The following PEAK1 variants were observed in gnomAD, a reference collection of about 807,000 sequenced individuals.
PEAK1 encodes inactive tyrosine-protein kinase PEAK1.
In PEAK1, 54 loss-of-function variants were observed where a neutral mutation model predicts 124.7. That is an observed-to-expected ratio of 0.43 (90% CI 0.35 to 0.54). The LOEUF is 0.54. Ranked by LOEUF, PEAK1 falls within the 20% of genes least tolerant of loss-of-function variation. PEAK1 has a pLI of 0.01. For missense variants in PEAK1, 2,046 were observed against 2,134.5 expected (o/e 0.96, Z 0.82); for synonymous variants, 719 against 760.0 (o/e 0.95, Z 0.89).
At chr15:77,324,413 G>A (rs1311668434) in intron 2 of PEAK1, among the ~76,000 whole-genome samples, 5 of 152,216 alleles carry the variant, frequency 3.3e-5, no homozygotes, top group South Asian at 2.1e-4. Context: ...TCCAGAAGGC[G>A]GAGGCTGCTG....
At chr15:77,218,052 GAA>G (rs1434793961) in intron 6 of PEAK1, among the ~76,000 whole-genome samples, 2 of 152,176 alleles carry the variant, frequency 1.3e-5, no homozygotes, top group Non-Finnish European at 2.9e-5. Flanking sequence ...ACGTCATCTG[GAA>G]ATAAGGCTAG....
intron 1 of PEAK1, chr15:77,418,777 C>T (rs1012758410): frequency 1.0e-6 from 1 of 985,132 alleles, no homozygotes; most frequent in Non-Finnish European, 1.2e-6. Context: ...CTGCAGAGAG[C>T]AATATGGGTT....
intron 5 of PEAK1, chr15:77,278,546 T>G: frequency 2.1e-6 from 1 of 486,552 alleles, no homozygotes; most frequent in South Asian, 1.5e-5. Context: ...ATCTGCAAGG[T>G]TGTCTACTAA....
chr15:77,176,965 G>GC (rs1555430740), intron 7 of PEAK1, among the ~76,000 whole-genome samples: 8 of 151,288 alleles, frequency 5.3e-5, no homozygotes, highest in Admixed American at 4.6e-4. Flanking sequence ...TGAAATACAT[G>GC]TTTTTTTTTG....
At chr15:77,300,091 C>A (rs2063709750) in intron 2 of PEAK1, among the ~76,000 whole-genome samples, 1 of 152,192 alleles carries the variant, frequency 6.6e-6, no homozygotes, top group African/African-American at 2.4e-5. Context: ...CCTGTCCCAG[C>A]CCTAGAATCA....
chr15:77,242,368 A>G (rs2060396270), intron 6 of PEAK1, among the ~76,000 whole-genome samples: 1 of 152,078 alleles, frequency 6.6e-6, no homozygotes, highest in South Asian at 2.1e-4. Flanking sequence ...GCCTTCTCCA[A>G]TTAGCCTTTT....
At chr15:77,229,816 T>A (rs1003865450) in intron 6 of PEAK1, among the ~76,000 whole-genome samples, 1 of 152,010 alleles carries the variant, frequency 6.6e-6, no homozygotes, top group Admixed American at 6.5e-5. Context: ...CCCAGCTAAT[T>A]TTGTATTTTT....
chr15:77,264,083 T>G (rs2061586396), intron 5 of PEAK1, among the ~76,000 whole-genome samples: 2 of 152,122 alleles, frequency 1.3e-5, no homozygotes, highest in Admixed American at 6.6e-5. Flanking sequence ...CTCAATAAAT[T>G]AGGTATTGAT....
chr15:77,246,155 C>T (rs1222711012), intron 6 of PEAK1, among the ~76,000 whole-genome samples: 1 of 151,876 alleles, frequency 6.6e-6, no homozygotes, highest in Non-Finnish European at 1.5e-5. Flanking sequence ...ACTACAGGCG[C>T]GTGCCACCAT....
At chr15:77,406,119 C>T (rs888683890) in intron 1 of PEAK1, among the ~76,000 whole-genome samples, 4 of 152,076 alleles carry the variant, frequency 2.6e-5, no homozygotes, top group Non-Finnish European at 4.4e-5. Context: ...ATAATACATT[C>T]CTCACTGAAT....
chr15:77,247,472 TTTCTTTTCTTTTC>T, intron 6 of PEAK1, among the ~76,000 whole-genome samples: 3 of 108,280 alleles, frequency 2.8e-5, no homozygotes, highest in East Asian at 6.0e-4. Context: ...TTTTCTCTTT[TTTCTTTTCTTTTC>T]TTTTTTTTTT....
chr15:77,370,507 T>A (rs2068565408), intron 1 of PEAK1, among the ~76,000 whole-genome samples: 1 of 152,142 alleles, frequency 6.6e-6, no homozygotes, highest in Admixed American at 6.6e-5. Flanking sequence ...AGCAAAGGTA[T>A]AAAAGGGATA....
chr15:77,392,403 A>C (rs2070545829), intron 1 of PEAK1, among the ~76,000 whole-genome samples: 1 of 152,240 alleles, frequency 6.6e-6, no homozygotes, highest in African/African-American at 2.4e-5. Flanking sequence ...AAAATAACTC[A>C]AATTTTGATA....
intron 2 of PEAK1, among the ~76,000 whole-genome samples, chr15:77,304,156 T>C (rs1053349511): frequency 6.6e-6 from 1 of 152,246 alleles, no homozygotes; most frequent in East Asian, 1.9e-4. Flanking sequence ...TTCCACTGAC[T>C]ATACTAGGTA....
At chr15:77,418,281 G>A (rs1433221757) in intron 1 of PEAK1, 1 of 985,258 alleles carries the variant, frequency 1.0e-6, no homozygotes, top group African/African-American at 1.7e-5. Flanking sequence ...TGGGACAGGA[G>A]ATGGGGGGTA....
intron 5 of PEAK1, among the ~76,000 whole-genome samples, chr15:77,264,977 C>G (rs1364947918): frequency 6.6e-6 from 1 of 152,168 alleles, no homozygotes; most frequent in Non-Finnish European, 1.5e-5. Flanking sequence ...TAATCTTTGA[C>G]AAACCTGAGA....
At chr15:77,233,149 C>A (rs142100746) in intron 6 of PEAK1, among the ~76,000 whole-genome samples, 39 of 152,268 alleles carry the variant, frequency 2.6e-4, no homozygotes, top group Non-Finnish European at 5.7e-4. Flanking sequence ...AATAATTTTC[C>A]CTTGTACTCC....
chr15:77,389,695 T>G (rs1472181271), intron 1 of PEAK1, among the ~76,000 whole-genome samples: 3 of 152,070 alleles, frequency 2.0e-5, no homozygotes, highest in Non-Finnish European at 4.4e-5. Context: ...CATCAAGGTG[T>G]GCATGTAATA....
chr15:77,308,806 AAATGTTAC>A (rs2064255989), intron 2 of PEAK1, among the ~76,000 whole-genome samples: 1 of 152,094 alleles, frequency 6.6e-6, no homozygotes, highest in African/African-American at 2.4e-5. Flanking sequence ...ACCTTTCAAC[AAATGTTAC>A]AATGAGGGAG....
Sources: gnomAD v4.1 joint callset for allele counts (sites outside exome capture counted in the v4.1 genomes callset) on GRCh38, gnomAD v4.1.1 for gene constraint, MANE v1.5 for transcripts, NCBI Gene and HGNC (gene_info 2026-07-23, HGNC 2026-07-21) for gene names.